The following BRCA1 variants were observed in gnomAD, a reference collection of about 807,000 sequenced individuals.
BRCA1 encodes the protein BRCA1 DNA repair associated, also known as breast cancer type 1 susceptibility protein.
A neutral mutation model predicts 173.7 loss-of-function variants in BRCA1; 140 were observed. That is an observed-to-expected ratio of 0.81 (90% CI 0.70 to 0.93). The LOEUF is 0.93. BRCA1 is among the 40% of genes least tolerant of loss of function. The probability of loss-of-function intolerance (pLI) is 0.00; values close to 1 mark genes in which losing one functional copy is unlikely to be tolerated. For synonymous variants in BRCA1, 662 were observed against 756.0 expected (o/e 0.88, Z 2.04); for missense variants, 1,983 against 2,172.5 (o/e 0.91, Z 1.73).
intron 19 of BRCA1, among the ~76,000 whole-genome samples, chr17:43,054,440 G>A (rs1283255986): frequency 2.0e-5 from 3 of 152,134 alleles, no homozygotes; most frequent in Non-Finnish European, 4.4e-5. Context: ...TCAGTAGAAG[G>A]ATGTTTTGTT....
chr17:43,096,566 G>A (rs1413887031), intron 8 of BRCA1, among the ~76,000 whole-genome samples: 8 of 115,076 alleles, frequency 7.0e-5, no homozygotes, highest in East Asian at 4.9e-4. Flanking sequence ...GCAAGACCCC[G>A]TCTCCAAAAA....
chr17:43,123,709 G>A (rs2055696397), intron 2 of BRCA1, among the ~76,000 whole-genome samples: 1 of 152,148 alleles, frequency 6.6e-6, no homozygotes, highest in Non-Finnish European at 1.5e-5. Context: ...TGGAAGAAAA[G>A]CCAAAATGCC....
At chr17:43,105,059 G>GC in intron 4 of BRCA1, 103 bp from the exon 5 acceptor site, 1 of 933,286 alleles carries the variant, frequency 1.1e-6, no homozygotes, top group South Asian at 1.4e-5. Flanking sequence ...ATAAGATGCA[G>GC]CAACAGTAGA....
At chr17:43,068,145 C>T (rs1334191052) in intron 15 of BRCA1, among the ~76,000 whole-genome samples, 6 of 151,356 alleles carry the variant, frequency 4.0e-5, no homozygotes, top group South Asian at 4.2e-4. Flanking sequence ...GGCGTGGTGG[C>T]GGGCACCTGT....
At chr17:43,102,813 C>T (rs1025492457) in intron 6 of BRCA1, among the ~76,000 whole-genome samples, 44 of 152,064 alleles carry the variant, frequency 2.9e-4, no homozygotes, top group Admixed American at 1.4e-3. Context: ...CCACCATGCC[C>T]AGATAATTTA....
rs1467083210 is a variant in BRCA1 at position 43,076,610 on chromosome 17, T to A, written c.4362A>T (p.Val1454=). Residue 1454 remains valine, a synonymous_variant, in exon 13 of 23, where the codon GTA becomes GTT. Transcript: ENST00000357654. ...NPEQSTSEKA[V]LTSQKSSEYP... is the part of the protein sequence containing the mutation. ...ATTCACTACTTTTCTGTGAAGTTAA[T>A]ACTGCTTTAAATGGAATGAGAAAAC... The A allele has an allele frequency of 6.2e-7, 1 of 1,613,424 alleles. No homozygotes were observed.
chr17:43,134,182 T>C (rs1276274434), intron 1 of BRCA1, among the ~76,000 whole-genome samples: 5 of 152,200 alleles, frequency 3.3e-5, no homozygotes, highest in Admixed American at 6.5e-5. Flanking sequence ...GGGGTTTTTT[T>C]CCCCATCTAG....
At chr17:43,122,588 A>G (rs2154572066) in intron 2 of BRCA1, among the ~76,000 whole-genome samples, 1 of 152,278 alleles carries the variant, frequency 6.6e-6, no homozygotes, top group Admixed American at 6.5e-5. Flanking sequence ...GTGTCTGGAA[A>G]TGAAAAGGTG....
At chr17:43,111,899 T>C (rs2055053596) in intron 3 of BRCA1, among the ~76,000 whole-genome samples, 1 of 152,122 alleles carries the variant, frequency 6.6e-6, no homozygotes, top group South Asian at 2.1e-4. Flanking sequence ...CTTGCTTGGG[T>C]CAATAAAGTT....
intron 12 of BRCA1, chr17:43,079,215 C>T: frequency 5.1e-6 from 4 of 779,630 alleles, no homozygotes; most frequent in Non-Finnish European, 8.7e-6. Context: ...AAATGAAAGG[C>T]AGAGGGAAGG....
intron 6 of BRCA1, among the ~76,000 whole-genome samples, chr17:43,100,636 A>G (rs1330262595): frequency 1.3e-5 from 1 of 75,372 alleles, no homozygotes; most frequent in Non-Finnish European, 2.5e-5. Context: ...TATATGTTAT[A>G]TATATATAAC....
Position 43,094,022 on chromosome 17 carries a change from C to A in BRCA1, c.1509G>T (p.Lys503Asn), listed in dbSNP as rs919114934. ...GGCCTGATGTAGGTCTCCTTTTACG[C>A]TTTAATTTATTTGTGAGGGGACGCT... ...IQERPLTNKL[K>N]RKRRPTSGLH... Residue 503 changes from lysine (K) to asparagine (N), a missense_variant, in exon 10 of 23, where the codon AAG becomes AAT. Transcript: ENST00000357654. 6.2e-7 allele frequency: 1 copy of A among 1,613,888 alleles called. No homozygotes were observed. Among genetic ancestry groups the A allele is most frequent in the Non-Finnish European group, 8.5e-7 (1 of 1,179,980 alleles).
intron 1 of BRCA1, chr17:43,160,035 A>T (rs1221226353): frequency 6.7e-6 from 1 of 149,184 alleles, no homozygotes; most frequent in Non-Finnish European, 1.5e-5. Context: ...GACACCAACC[A>T]TCCATGATTT....
At chr17:43,063,183 C>A in intron 18 of BRCA1, 150 bp downstream of exon 18, 1 of 728,958 alleles carries the variant, frequency 1.4e-6, no homozygotes, top group Non-Finnish European at 2.4e-6. Flanking sequence ...AGCCACAGTG[C>A]AGGCCTGCAT....
At chr17:43,063,428 C>G (rs1466090947) in intron 17 of BRCA1, 55 bp from the exon 18 acceptor site, 2 of 1,456,564 alleles carry the variant, frequency 1.4e-6, no homozygotes, top group African/African-American at 1.4e-5. Flanking sequence ...GTGCTCTTTT[C>G]ACGGAGATAG....
chr17:43,137,703 CTG>C (rs2056038625), intron 1 of BRCA1, among the ~76,000 whole-genome samples: 2 of 152,088 alleles, frequency 1.3e-5, no homozygotes, highest in African/African-American at 4.8e-5. Flanking sequence ...CATGGTGAAA[CTG>C]TTTTTACAAA....
intron 6 of BRCA1, among the ~76,000 whole-genome samples, chr17:43,100,660 A>ATGTTT (rs1443111899): frequency 1.2e-4 from 2 of 16,298 alleles, no homozygotes; most frequent in South Asian, 2.6e-3. Flanking sequence ...TATATAACAT[A>ATGTTT]TATATATATA....
chr17:43,053,663 T>A (rs2051342626), intron 19 of BRCA1, among the ~76,000 whole-genome samples: 1 of 149,246 alleles, frequency 6.7e-6, no homozygotes, highest in Non-Finnish European at 1.5e-5. Flanking sequence ...CGAGACTCTG[T>A]CTCAAAAAAA....
rs376268287 is a variant in BRCA1, at chr17:43,156,169, G to A, written c.-20+13957C>T. Among the ~76,000 whole-genome samples the A allele has an allele frequency of 5.3e-4, 80 of 152,070 alleles. 1 individual carries two copies. In the East Asian group the frequency reaches 6.4e-3, roughly 12 times the overall value. On this transcript the variant is annotated intron_variant, in intron 1 of 7. Coordinates refer to the BRCA1 transcript ENST00000634433. ...GGAGAATTGCTTGAACCCGGGAGGCGGAAGTTGCAGTCAGATGAGATTGTG... is the reference window on the plus strand; with the variant it reads ...GGAGAATTGCTTGAACCCGGGAGGCAGAAGTTGCAGTCAGATGAGATTGTG...
Sources: allele counts gnomAD v4.1 joint callset (sites outside exome capture counted in the v4.1 genomes callset), GRCh38; gene constraint gnomAD v4.1.1; transcripts MANE v1.5; gene names NCBI Gene and HGNC (gene_info 2026-07-23, HGNC 2026-07-21).